Variants in SH3BGRL observed in about 807,000 individuals in gnomAD.
SH3BGRL encodes SH3 domain binding glutamate rich protein like.
Under a neutral mutation model 9.8 loss-of-function variants are expected in SH3BGRL, and 7 were observed. That is an observed-to-expected ratio of 0.72 (90% confidence interval 0.41 to 1.35). The LOEUF (loss-of-function observed/expected upper bound fraction) is 1.35. SH3BGRL is among the 40% of genes most tolerant of loss of function. SH3BGRL has a pLI of 0.01. For missense variants in SH3BGRL, 73 were observed against 84.4 expected, an observed-to-expected ratio of 0.86 and a Z score of 0.53; for synonymous variants, 36 against 29.1, an observed-to-expected ratio of 1.24 and a Z score of -0.76.
At chrX:81,222,722 G>T (rs957525483) in intron 1 of SH3BGRL, among the ~76,000 whole-genome samples, 6 of 111,231 alleles carry the variant, frequency 5.4e-5, no homozygotes, top group African/African-American at 2.0e-4. Flanking sequence ...GGTATTTCTA[G>T]TTCCAAATGC....
intron 1 of SH3BGRL, among the ~76,000 whole-genome samples, chrX:81,234,741 C>T (rs2075642569): frequency 8.9e-6 from 1 of 111,751 alleles, no homozygotes; most frequent in Non-Finnish European, 1.9e-5. Flanking sequence ...TTGTAGGTAC[C>T]CGTTAACAGA....
chrX:81,203,677 T>C (rs1379405896), intron 1 of SH3BGRL, among the ~76,000 whole-genome samples: 1 of 111,713 alleles, frequency 9.0e-6, no homozygotes, highest in Non-Finnish European at 1.9e-5. Flanking sequence ...AGTTTTGCTT[T>C]GGGAGTCATA....
intron 1 of SH3BGRL, among the ~76,000 whole-genome samples, chrX:81,220,543 T>TA (rs1452337897): frequency 5.6e-4 from 62 of 110,925 alleles, no homozygotes; most frequent in African/African-American, 2.0e-3. Context: ...TGTCCATTCT[T>TA]TACATCTTTT....
At chrX:81,204,956 T>G (rs2075541767) in intron 1 of SH3BGRL, among the ~76,000 whole-genome samples, 1 of 112,756 alleles carries the variant, frequency 8.9e-6, no homozygotes, top group African/African-American at 3.2e-5. Flanking sequence ...ATATCATAAT[T>G]GTGCATATTT....
intron 1 of SH3BGRL, among the ~76,000 whole-genome samples, chrX:81,217,115 T>C (rs1471832678): frequency 9.0e-6 from 1 of 110,971 alleles, no homozygotes; most frequent in East Asian, 2.8e-4. Context: ...TTATTGCCTG[T>C]CTTTGGATAA....
chrX:81,254,318 T>C (rs746885560), intron 1 of SH3BGRL, among the ~76,000 whole-genome samples: 2 of 111,847 alleles, frequency 1.8e-5, no homozygotes, highest in Admixed American at 1.9e-4. Flanking sequence ...ATGGCAGTTG[T>C]TCTCAGCTGG....
At chrX:81,203,771 A>C (rs939212530) in intron 1 of SH3BGRL, among the ~76,000 whole-genome samples, 1 of 112,446 alleles carries the variant, frequency 8.9e-6, no homozygotes, top group East Asian at 2.8e-4. Flanking sequence ...AACTGCTTTC[A>C]GAATTTCTAT....
chrX:81,213,926 T>C (rs917905621), intron 1 of SH3BGRL, among the ~76,000 whole-genome samples: 1 of 111,494 alleles, frequency 9.0e-6, no homozygotes, highest in Non-Finnish European at 1.9e-5. Flanking sequence ...ATGGGAGTCA[T>C]TTATGTATAG....
chrX:81,292,222 A>G (rs997499035), intron 3 of SH3BGRL, among the ~76,000 whole-genome samples: 1 of 111,800 alleles, frequency 8.9e-6, no homozygotes, highest in African/African-American at 3.3e-5. Context: ...ACATCCAGGT[A>G]TTTTCATACA....
chrX:81,215,757 A>T (rs2075579469), intron 1 of SH3BGRL, among the ~76,000 whole-genome samples: 1 of 111,657 alleles, frequency 9.0e-6, no homozygotes, highest in African/African-American at 3.3e-5. Flanking sequence ...AAAAGTGATA[A>T]GTTATTAGTT....
At chrX:81,255,854 G>A (rs1257147168) in intron 1 of SH3BGRL, among the ~76,000 whole-genome samples, 1 of 112,236 alleles carries the variant, frequency 8.9e-6, no homozygotes. Flanking sequence ...ACAAAGAGAC[G>A]TTTTACTGGG....
At chrX:81,229,583 C>T (rs2075626789) in intron 1 of SH3BGRL, among the ~76,000 whole-genome samples, 1 of 111,542 alleles carries the variant, frequency 9.0e-6, no homozygotes. Flanking sequence ...TGGATTCAGG[C>T]TGCTCAGTGG....
At chrX:81,206,540 A>C (rs1250137360) in intron 1 of SH3BGRL, among the ~76,000 whole-genome samples, 1 of 111,714 alleles carries the variant, frequency 9.0e-6, no homozygotes, top group Non-Finnish European at 1.9e-5. Flanking sequence ...TATGTACTTA[A>C]CCACCAAGAA....
intron 3 of SH3BGRL, among the ~76,000 whole-genome samples, chrX:81,281,645 C>T (rs750265757): frequency 8.9e-6 from 1 of 111,830 alleles, no homozygotes; most frequent in Non-Finnish European, 1.9e-5. Context: ...TATCAAGCCA[C>T]CACTACAGGA....
chrX:81,287,656 G>A (rs1446304082), intron 3 of SH3BGRL, among the ~76,000 whole-genome samples: 1 of 110,702 alleles, frequency 9.0e-6, no homozygotes, highest in African/African-American at 3.3e-5. Flanking sequence ...CTGTCTGTGG[G>A]TGGGGGAGTA....
At chrX:81,241,999 C>A (rs1195718751) in intron 1 of SH3BGRL, among the ~76,000 whole-genome samples, 1 of 112,427 alleles carries the variant, frequency 8.9e-6, no homozygotes, top group Non-Finnish European at 1.9e-5. Flanking sequence ...CCCTGGCTTG[C>A]CCTTGGCAGG....
intron 1 of SH3BGRL, chrX:81,255,609 A>G (rs1330208697): frequency 1.8e-5 from 2 of 112,437 alleles, no homozygotes; most frequent in Non-Finnish European, 3.8e-5. Context: ...CCAAAGGATT[A>G]TGATTCTTTC....
chrX:81,260,422 G>A (rs2075737675), intron 1 of SH3BGRL, among the ~76,000 whole-genome samples: 1 of 111,492 alleles, frequency 9.0e-6, no homozygotes, highest in Non-Finnish European at 1.9e-5. Context: ...AGCATGTAAA[G>A]AGCTTAGCAC....
rs766316402 is a variant in SH3BGRL, at chrX:81,236,231, A to G, written c.45+33986A>G. 3.6e-5 allele frequency among the ~76,000 whole-genome samples: 4 copies of G among 111,778 alleles called. No individual in the cohort carries two copies. The East Asian group carries it at 8.5e-4, about 24-fold the overall frequency. On this transcript the variant is annotated intron_variant, in intron 1 of 3. Transcript: ENST00000373212. ...GCAAGAGCACACATGCTAGGTGTGG[A>G]AAAATGGACAAGGATTCTGCATTTT...
Sources: allele counts gnomAD v4.1 joint callset (sites outside exome capture counted in the v4.1 genomes callset), GRCh38; gene constraint gnomAD v4.1.1; transcripts MANE v1.5; gene names NCBI Gene and HGNC (gene_info 2026-07-23, HGNC 2026-07-21).